The following PDE1C variants were observed in gnomAD, a reference collection of about 807,000 sequenced individuals.
The protein encoded by PDE1C is phosphodiesterase 1C.
PDE1C carries 62 observed loss-of-function variants against 93.1 expected under a neutral mutation model. The ratio of observed to expected loss-of-function variants is 0.67; its 90% confidence interval spans 0.54 to 0.82. The LOEUF (loss-of-function observed/expected upper bound fraction) is 0.82, where lower values mean the gene tolerates loss of function less well. Ranked by LOEUF, PDE1C falls within the 40% of genes least tolerant of loss-of-function variation. PDE1C has a pLI of 0.00. For synonymous variants in PDE1C, 325 were observed against 310.1 expected, an observed-to-expected ratio of 1.05 and a Z score of -0.50; for missense variants, 742 against 884.6, an observed-to-expected ratio of 0.84 and a Z score of 2.04.
chr7:32,107,624 C>A (rs1563318357), intron 3 of PDE1C, among the ~76,000 whole-genome samples: 1 of 151,996 alleles, frequency 6.6e-6, no homozygotes, highest in Non-Finnish European at 1.5e-5. Context: ...AAATTTATCA[C>A]CAGTAGACCT....
the PDE1C span, chr7:31,643,524 G>T: frequency 6.2e-7 from 1 of 1,613,972 alleles, no homozygotes. Context: ...GCCTGGTGTC[G>T]GCTGCTCAGA....
intron 2 of PDE1C, among the ~76,000 whole-genome samples, chr7:31,958,188 C>T (rs940963642): frequency 1.3e-5 from 2 of 152,188 alleles, no homozygotes; most frequent in African/African-American, 4.8e-5. Flanking sequence ...AAAGGTTTGA[C>T]CTCAGTTTCC....
intron 9 of PDE1C, among the ~76,000 whole-genome samples, chr7:31,847,614 C>T (rs1792797320): frequency 1.3e-5 from 2 of 151,872 alleles, no homozygotes; most frequent in African/African-American, 2.4e-5. Context: ...ATTTTTCAAA[C>T]TTTCTTCTTT....
chr7:31,631,946 C>T, the PDE1C span, among the ~76,000 whole-genome samples: 4 of 152,268 alleles, frequency 2.6e-5, no homozygotes, highest in South Asian at 4.1e-4. Flanking sequence ...CCTTTGATGA[C>T]GCCGGCCGAC....
At chr7:31,873,574 T>TA (rs1796197090) in intron 5 of PDE1C, among the ~76,000 whole-genome samples, 166 bp from the exon 6 acceptor site, 1 of 152,210 alleles carries the variant, frequency 6.6e-6, no homozygotes, top group African/African-American at 2.4e-5. Flanking sequence ...CTAGTCTACA[T>TA]AGTATCTACT....
At chr7:31,871,162 T>C (rs974158319) in intron 6 of PDE1C, among the ~76,000 whole-genome samples, 1 of 151,700 alleles carries the variant, frequency 6.6e-6, no homozygotes, top group Non-Finnish European at 1.5e-5. Context: ...TCTGGGAAAA[T>C]TGAATATCCA....
At chr7:31,680,244 A>G in the PDE1C span, among the ~76,000 whole-genome samples, 4 of 152,202 alleles carry the variant, frequency 2.6e-5, no homozygotes, top group Non-Finnish European at 5.9e-5. Context: ...CCAGATGTCC[A>G]GCTTTGAGAA....
chr7:32,127,657 C>G (rs775162644), intron 3 of PDE1C, among the ~76,000 whole-genome samples: 1 of 152,056 alleles, frequency 6.6e-6, no homozygotes, highest in African/African-American at 2.4e-5. Flanking sequence ...TAGGGGGAGA[C>G]AGTCTTCTAA....
At chr7:32,038,701 C>G (rs1164749124) in intron 2 of PDE1C, among the ~76,000 whole-genome samples, 1 of 152,078 alleles carries the variant, frequency 6.6e-6, no homozygotes, top group Non-Finnish European at 1.5e-5. Context: ...CTACAATGTT[C>G]CACCCAAGCC....
chr7:32,211,923 A>T (rs188128969), intron 1 of PDE1C, among the ~76,000 whole-genome samples: 7 of 150,904 alleles, frequency 4.6e-5, no homozygotes, highest in Admixed American at 2.0e-4. Flanking sequence ...CTACTCGGGA[A>T]GCTGCAGCAG....
intron 5 of PDE1C, among the ~76,000 whole-genome samples, chr7:31,874,704 C>T (rs964539205): frequency 5.8e-4 from 89 of 152,340 alleles, no homozygotes; most frequent in African/African-American, 1.9e-3. Context: ...CCAATTCACA[C>T]TTAGTGGTAA....
intron 3 of PDE1C, among the ~76,000 whole-genome samples, chr7:32,143,978 C>G (rs1800679019): frequency 6.6e-6 from 1 of 152,110 alleles, no homozygotes; most frequent in Non-Finnish European, 1.5e-5. Flanking sequence ...ATATCTGACC[C>G]AGACCTGGAC....
chr7:31,794,041 T>TAGATAGATAGAC lies in PDE1C; in HGVS notation c.1891+14989_1891+14990insGTCTATCTATCT, dbSNP rs1554335955. Among the ~76,000 whole-genome samples, 114 of 89,562 alleles carry TAGATAGATAGAC rather than the reference T, an allele frequency of 1.3e-3. 4 individuals carry two copies. The highest frequency in any genetic ancestry group is 5.8e-3 in the Middle Eastern group (1 of 172). 58.8% of individuals were successfully genotyped at this position (89,562 alleles called of 152,430 possible). ...ATAGATAGATAGATAGATAGATAGA[T>TAGATAGATAGAC]AGACAGACAGACAGACAGACAGACA... On this transcript the variant is annotated intron_variant, in intron 16 of 17. Transcript: ENST00000396191.
At chr7:31,974,800 C>T (rs1050267916) in intron 2 of PDE1C, among the ~76,000 whole-genome samples, 6 of 152,104 alleles carry the variant, frequency 3.9e-5, no homozygotes, top group South Asian at 2.1e-4. Flanking sequence ...TGGAAATTTT[C>T]GAAAACTGCT....
At chr7:31,638,896 C>G in the PDE1C span, among the ~76,000 whole-genome samples, 17 of 152,114 alleles carry the variant, frequency 1.1e-4, no homozygotes, top group Non-Finnish European at 1.2e-4. Flanking sequence ...TTTGCCTTAG[C>G]CTCCCAAGTA....
At chr7:31,832,513 G>A (rs1282558135) in intron 11 of PDE1C, among the ~76,000 whole-genome samples, 11 of 152,128 alleles carry the variant, frequency 7.2e-5, no homozygotes, top group Non-Finnish European at 2.9e-5. Flanking sequence ...CTTTCCAAAT[G>A]TAATTTTTAA....
intron 16 of PDE1C, 130 bp from the exon 17 acceptor site, chr7:31,775,862 TG>T: frequency 1.4e-6 from 1 of 720,284 alleles, no homozygotes; most frequent in South Asian, 1.7e-5. Flanking sequence ...TAGGTGAGGT[TG>T]CAGGGTGGTG....
intron 3 of PDE1C, among the ~76,000 whole-genome samples, chr7:32,157,990 A>C (rs1584874556): frequency 6.6e-6 from 1 of 152,288 alleles, no homozygotes; most frequent in East Asian, 1.9e-4. Context: ...GAAATTTAAC[A>C]ACTAAGGAAA....
chr7:31,961,697 C>T (rs1315716772), intron 2 of PDE1C, among the ~76,000 whole-genome samples: 4 of 152,126 alleles, frequency 2.6e-5, no homozygotes, highest in Admixed American at 1.3e-4. Context: ...ACTTAGATGT[C>T]TACAAACATA....
Sources: allele counts gnomAD v4.1 joint callset (sites outside exome capture counted in the v4.1 genomes callset), GRCh38; gene constraint gnomAD v4.1.1; transcripts MANE v1.5; gene names NCBI Gene and HGNC (gene_info 2026-07-23, HGNC 2026-07-21).